Variants in WNK1 observed in about 807,000 individuals in gnomAD.
WNK1 encodes the protein serine/threonine-protein kinase WNK1.
A neutral mutation model predicts 222.8 loss-of-function variants in WNK1; 38 were observed. That is an observed-to-expected ratio of 0.17 (90% CI 0.13 to 0.22). The LOEUF (loss-of-function observed/expected upper bound fraction) is 0.22. WNK1 is among the 10% of genes least tolerant of loss of function. WNK1 has a pLI of 1.00. For synonymous variants in WNK1, 1,090 were observed against 1,092.9 expected (o/e 1.00, Z 0.05); for missense variants, 2,348 against 2,918.4 (o/e 0.80, Z 4.50).
chr12:767,376 CT>C (rs1941891136), intron 1 of WNK1, among the ~76,000 whole-genome samples: 2 of 150,746 alleles, frequency 1.3e-5, no homozygotes, highest in Admixed American at 1.3e-4. Flanking sequence ...CCTCAGCCTG[CT>C]GAGTAGCTGG....
rs1944677445 is a variant in WNK1, at chr12:789,890, A to AG, written c.760-23751dup. Among the ~76,000 whole-genome samples, 3 of 152,322 alleles carry AG rather than the reference A, an allele frequency of 2.0e-5. No individual in the cohort carries two copies. The South Asian group carries it at 6.2e-4, about 32-fold the overall frequency. ...ATCCTGGATAGCATTCAGCAGCAGA[A>AG]GCAGCAATTTCTTTAACAATGCTTC... is the stretch of plus-strand genomic sequence containing the variant. On this transcript the variant is annotated intron_variant, in intron 1 of 27. Coordinates refer to ENST00000315939, the MANE Select transcript of WNK1 (RefSeq NM_018979.4).
At chr12:765,960 A>C (rs892455032) in intron 1 of WNK1, among the ~76,000 whole-genome samples, 1 of 152,228 alleles carries the variant, frequency 6.6e-6, no homozygotes, top group Non-Finnish European at 1.5e-5. Flanking sequence ...ACATACATGC[A>C]GAATTAATAA....
intron 22 of WNK1, among the ~76,000 whole-genome samples, chr12:891,243 A>G (rs1345034697): frequency 1.3e-5 from 2 of 152,054 alleles, no homozygotes; most frequent in Non-Finnish European, 2.9e-5. Context: ...GGTTCAAGCG[A>G]TTTTCCTGCC....
At chr12:895,482 G>T (rs538344826) in intron 23 of WNK1, among the ~76,000 whole-genome samples, 3 of 150,310 alleles carry the variant, frequency 2.0e-5, no homozygotes, top group Non-Finnish European at 4.4e-5. Context: ...TTTTTGAGAC[G>T]GAGTCTCACT....
At chr12:843,265 A>G (rs1271221395) in intron 4 of WNK1, among the ~76,000 whole-genome samples, 1 of 152,192 alleles carries the variant, frequency 6.6e-6, no homozygotes, top group African/African-American at 2.4e-5. Context: ...TCAGCATGGT[A>G]TCAGTAATCC....
chr12:869,736 G>GT (rs1372148362), intron 8 of WNK1, among the ~76,000 whole-genome samples: 1 of 151,722 alleles, frequency 6.6e-6, no homozygotes, highest in Non-Finnish European at 1.5e-5. Flanking sequence ...ATTATTATAT[G>GT]TCCAAATAAA....
At position 908,641 on chromosome 12, in the gene WNK1, T is replaced by C. The variant is rs1440345094; in HGVS notation, c.6998T>C (p.Phe2333Ser). 3 of 1,614,170 alleles carry C rather than the reference T, an allele frequency of 1.9e-6. No individual in the cohort carries two copies. The highest frequency in any genetic ancestry group is 2.5e-6 in the Non-Finnish European group (3 of 1,180,036). Residue 2333 changes from phenylalanine to serine, a missense_variant, in exon 28 of 28, where the codon TTT becomes TCT. Phe to Ser is a radical substitution (Grantham distance 155). This residue lies in a region of WNK1 where 76 missense variants were observed against 85.7 expected (regional missense o/e 0.89). Coordinates refer to ENST00000315939, the MANE Select transcript of WNK1 (RefSeq NM_018979.4). ...PQQYGFPATP[F>S]GAQWSGTGGP... ...CAGTATGGCTTTCCAGCTACCCCAT[T>C]TGGCGCTCAATGGAGTGGGACGGGT... is the stretch of plus-strand genomic sequence containing the variant.
At chr12:906,540 T>C (rs757708643) in intron 26 of WNK1, 5 of 985,346 alleles carry the variant, frequency 5.1e-6, no homozygotes, top group Non-Finnish European at 6.0e-6. Flanking sequence ...TGAGGTCATC[T>C]TCAGGAAAAC....
intron 1 of WNK1, among the ~76,000 whole-genome samples, chr12:761,740 T>C (rs1222918973): frequency 6.8e-6 from 1 of 147,994 alleles, no homozygotes; most frequent in African/African-American, 2.4e-5. Flanking sequence ...TAACCTGATA[T>C]ATCTATCTTT....
chr12:774,812 C>A (rs952292258), intron 1 of WNK1, among the ~76,000 whole-genome samples: 21 of 152,108 alleles, frequency 1.4e-4, no homozygotes, highest in African/African-American at 4.1e-4. Context: ...ATAATAATAA[C>A]TAATTGTATT....
rs1007576032 is a variant in WNK1 at position 896,419 on chromosome 12, T to A, written c.5932T>A (p.Ser1978Thr). ...TDTKKEGPVA[S>T]PPFMDLEQAV... is the part of the protein sequence containing the mutation. Reference sequence around the variant, plus strand: ...CACAAAGAAAGAAGGACCAGTGGCATCTCCTCCTTTTATGGATTTGGAACA... The same window carrying A: ...CACAAAGAAAGAAGGACCAGTGGCAACTCCTCCTTTTATGGATTTGGAACA... The change falls in exon 24 of 28, where the codon TCT (serine) becomes ACT (threonine). Residue 1978 changes from serine to threonine, a missense_variant. This residue lies in a region of WNK1 where 1,144 missense variants were observed against 1,273.6 expected (regional missense o/e 0.90). Transcript: ENST00000315939. 6.2e-7 allele frequency: 1 copy of A among 1,613,958 alleles called. No homozygotes were observed. The highest frequency in any genetic ancestry group is 8.5e-7 in the Non-Finnish European group (1 of 1,180,026).
chr12:857,065 G>A, intron 4 of WNK1, 96 bp from the exon 5 acceptor site: 1 of 1,312,002 alleles, frequency 7.6e-7, no homozygotes, highest in South Asian at 1.2e-5. Flanking sequence ...AGCCGGGATA[G>A]TAAGAAAGGA....
At chr12:758,145 T>C (rs1940452866) in intron 1 of WNK1, among the ~76,000 whole-genome samples, 1 of 146,422 alleles carries the variant, frequency 6.8e-6, no homozygotes, top group Non-Finnish European at 1.5e-5. Flanking sequence ...GTTCACATGA[T>C]GCGTTATATG....
At chr12:762,673 A>C (rs1941183190) in intron 1 of WNK1, among the ~76,000 whole-genome samples, 1 of 147,676 alleles carries the variant, frequency 6.8e-6, no homozygotes, top group African/African-American at 2.4e-5. Flanking sequence ...GATTAAAGGC[A>C]TACAGGGGGA....
At chr12:907,302 T>C (rs982630147) in intron 26 of WNK1, among the ~76,000 whole-genome samples, 1 of 136,270 alleles carries the variant, frequency 7.3e-6, no homozygotes, top group African/African-American at 2.9e-5. Context: ...GCCTGAGTAA[T>C]AGAGTGAGAC....
At chr12:840,636 C>T (rs34174541) in intron 4 of WNK1, among the ~76,000 whole-genome samples, 19,317 of 152,114 alleles carry the variant, frequency 0.13, 1,568 homozygotes, top group Middle Eastern at 0.21. Flanking sequence ...ATGATACATA[C>T]AGCCTACAAT....
chr12:890,195 T>C (rs1350481454), intron 21 of WNK1, among the ~76,000 whole-genome samples: 1 of 151,824 alleles, frequency 6.6e-6, no homozygotes, highest in Admixed American at 6.5e-5. Flanking sequence ...TCAAATGATC[T>C]GCCCACCTTG....
intron 8 of WNK1, chr12:869,209 T>C (rs960725293): frequency 4.0e-6 from 6 of 1,493,834 alleles, no homozygotes; most frequent in Admixed American, 1.7e-5. Context: ...TGGAGAAATA[T>C]TGTTTAATTT....
At chr12:824,277 T>A (rs1048738150) in intron 2 of WNK1, among the ~76,000 whole-genome samples, 2 of 151,426 alleles carry the variant, frequency 1.3e-5, no homozygotes, top group Non-Finnish European at 2.9e-5. Context: ...CTTTTCTTTC[T>A]CAAGATGTGG....
Sources: gnomAD v4.1 joint callset for allele counts (sites outside exome capture counted in the v4.1 genomes callset) on GRCh38, gnomAD v4.1.1 for gene constraint, gnomAD v4.1.1 regional missense constraint, MANE v1.5 for transcripts, NCBI Gene and HGNC (gene_info 2026-07-23, HGNC 2026-07-21) for gene names.